SV2C: variants seen among roughly 807,000 people sequenced by gnomAD.
SV2C encodes the protein solute carrier family 22 member B3.
SV2C carries 49 observed loss-of-function variants against 79.7 expected under a neutral mutation model. That is an observed-to-expected ratio of 0.61 (90% CI 0.49 to 0.78). The LOEUF (loss-of-function observed/expected upper bound fraction) is 0.78. Among genes scored for constraint, SV2C ranks in the 30% least tolerant of loss-of-function variants. SV2C has a pLI of 0.00. For missense variants in SV2C, 833 were observed against 912.9 expected, an observed-to-expected ratio of 0.91 and a Z score of 1.13; for synonymous variants, 334 against 333.2, an observed-to-expected ratio of 1.00 and a Z score of -0.03.
At chr5:76,153,850 A>T (rs1207252333) in intron 2 of SV2C, among the ~76,000 whole-genome samples, 1 of 152,212 alleles carries the variant, frequency 6.6e-6, no homozygotes, top group African/African-American at 2.4e-5. Context: ...TAGATCTGTC[A>T]GTTAGGAATT....
At chr5:75,964,280 G>A in the SV2C span, among the ~76,000 whole-genome samples, 1 of 152,168 alleles carries the variant, frequency 6.6e-6, no homozygotes, top group Non-Finnish European at 1.5e-5. Context: ...GCCTTGAATT[G>A]AGAAAGAGGA....
intron 2 of SV2C, among the ~76,000 whole-genome samples, chr5:76,136,248 C>A (rs977293947): frequency 6.6e-6 from 1 of 152,192 alleles, no homozygotes; most frequent in Non-Finnish European, 1.5e-5. Context: ...ACCCCTAATT[C>A]CCGTATGCAT....
At chr5:76,266,028 T>A (rs910227805) in intron 4 of SV2C, among the ~76,000 whole-genome samples, 1 of 151,918 alleles carries the variant, frequency 6.6e-6, no homozygotes, top group Non-Finnish European at 1.5e-5. Context: ...TCTGAGCATA[T>A]CTGAAAGGCA....
At chr5:75,932,659 A>C in the SV2C span, among the ~76,000 whole-genome samples, 4 of 152,258 alleles carry the variant, frequency 2.6e-5, no homozygotes, top group African/African-American at 9.6e-5. Context: ...GTTAAGGCAC[A>C]GGCTGCTCCT....
chr5:76,188,304 T>A (rs1458773313), intron 2 of SV2C, among the ~76,000 whole-genome samples: 1 of 152,166 alleles, frequency 6.6e-6, no homozygotes. Flanking sequence ...AACTGTGTGT[T>A]TTACACAGTA....
the SV2C span, among the ~76,000 whole-genome samples, chr5:75,961,394 A>G: frequency 1.3e-5 from 2 of 151,996 alleles, no homozygotes; most frequent in Admixed American, 6.6e-5. Context: ...AATATTTTTA[A>G]GTAATTTGTA....
chr5:76,335,987 A>C (rs1447931328), downstream of SV2C, among the ~76,000 whole-genome samples: 2 of 151,914 alleles, frequency 1.3e-5, no homozygotes, highest in Non-Finnish European at 2.9e-5. Flanking sequence ...CTCACTTCCC[A>C]GTAGGGGCGG....
chr5:75,887,806 A>G, the SV2C span, among the ~76,000 whole-genome samples: 1 of 152,168 alleles, frequency 6.6e-6, no homozygotes, highest in Admixed American at 6.6e-5. Context: ...AACAAGAATA[A>G]GCTATCTTTT....
At chr5:76,353,206 A>C (rs1219351127) in exon 13 of SV2C, 1 of 390,972 alleles carries the variant, frequency 2.6e-6, no homozygotes, top group African/African-American at 2.1e-5. Flanking sequence ...CAGCCTCCCA[A>C]AGTTCTGGGA....
At chr5:75,894,025 T>C in the SV2C span, among the ~76,000 whole-genome samples, 2 of 152,018 alleles carry the variant, frequency 1.3e-5, no homozygotes, top group East Asian at 3.9e-4. Flanking sequence ...CAGTAAAATA[T>C]CTCAATTTTA....
At chr5:75,972,663 ACAGT>A in the SV2C span, among the ~76,000 whole-genome samples, 5 of 152,146 alleles carry the variant, frequency 3.3e-5, no homozygotes, top group African/African-American at 4.8e-5. Context: ...CGATCATTAA[ACAGT>A]CAGGAAACAA....
chr5:75,894,359 T>C, the SV2C span, among the ~76,000 whole-genome samples: 1 of 152,080 alleles, frequency 6.6e-6, no homozygotes, highest in Non-Finnish European at 1.5e-5. Context: ...ACTAGATAAA[T>C]ATTTATAAAA....
intron 1 of SV2C, among the ~76,000 whole-genome samples, chr5:76,091,223 A>G (rs1747366022): frequency 6.6e-6 from 1 of 152,222 alleles, no homozygotes; most frequent in Non-Finnish European, 1.5e-5. Flanking sequence ...ATCCAATTAA[A>G]TCTGCAACCT....
the SV2C span, among the ~76,000 whole-genome samples, chr5:75,969,718 A>G: frequency 6.6e-6 from 1 of 152,156 alleles, no homozygotes; most frequent in East Asian, 1.9e-4. Flanking sequence ...CCACTCAATA[A>G]TAATGGGAGA....
chr5:75,937,089 T>C, the SV2C span, among the ~76,000 whole-genome samples: 1 of 152,244 alleles, frequency 6.6e-6, no homozygotes, highest in Non-Finnish European at 1.5e-5. Flanking sequence ...AACACTAATC[T>C]GTATTTAGCA....
intron 4 of SV2C, among the ~76,000 whole-genome samples, chr5:76,216,391 C>T (rs1337780628): frequency 1.3e-5 from 2 of 152,236 alleles, no homozygotes; most frequent in East Asian, 3.9e-4. Flanking sequence ...TCTGTGTCTC[C>T]CCCATGGCAA....
At chr5:76,144,620 A>G (rs1291409705) in intron 2 of SV2C, among the ~76,000 whole-genome samples, 1 of 152,196 alleles carries the variant, frequency 6.6e-6, no homozygotes, top group Non-Finnish European at 1.5e-5. Flanking sequence ...AACTTTAGAC[A>G]GTGGGGAACC....
chr5:75,983,107 G>A, the SV2C span, among the ~76,000 whole-genome samples: 2 of 151,970 alleles, frequency 1.3e-5, no homozygotes, highest in African/African-American at 2.4e-5. Flanking sequence ...TAACAAGCAA[G>A]TTTACCTATG....
intron 2 of SV2C, among the ~76,000 whole-genome samples, chr5:76,165,020 T>G (rs150887397): frequency 1.6e-3 from 251 of 152,230 alleles, no homozygotes; most frequent in African/African-American, 5.2e-3. Context: ...CTGTACATAT[T>G]CAGTACAAAT....
Sources: allele counts gnomAD v4.1 joint callset (sites outside exome capture counted in the v4.1 genomes callset), GRCh38; gene constraint gnomAD v4.1.1; transcripts MANE v1.5; gene names NCBI Gene and HGNC (gene_info 2026-07-23, HGNC 2026-07-21).